Variants in RNF19B observed in about 807,000 individuals in gnomAD.
The protein encoded by RNF19B is ring finger protein 19B.
RNF19B carries 23 observed loss-of-function variants against 65.5 expected under a neutral mutation model. The observed-to-expected ratio is 0.35, with a 90% CI of 0.25 to 0.50. The LOEUF (loss-of-function observed/expected upper bound fraction) is 0.50. Ranked by LOEUF, RNF19B falls within the 20% of genes least tolerant of loss-of-function variation. The pLI is 0.98. For synonymous variants in RNF19B, 372 were observed against 379.6 expected, an observed-to-expected ratio of 0.98 and a Z score of 0.23; for missense variants, 794 against 980.0, an observed-to-expected ratio of 0.81 and a Z score of 2.53.
rs1223251199 is a variant in RNF19B, at chr1:32,949,600, T to C, written c.810A>G (p.Ser270=). Reference sequence around the variant, plus strand: ...CAGATTCTTGCCCATAACTGAGACCTGAAGTGTGTTTGGTCCGAACTCGTA... The same window carrying C: ...CAGATTCTTGCCCATAACTGAGACCCGAAGTGTGTTTGGTCCGAACTCGTA... ...QTLRVRTKHT[S]GLSYGQESGP... Residue 270 remains serine (S), a synonymous_variant, in exon 2 of 9, where the codon TCA becomes TCG. Transcript: ENST00000235150. 1 of 1,614,024 alleles carries C rather than the reference T, an allele frequency of 6.2e-7. No homozygotes were observed. Among genetic ancestry groups the C allele is most frequent in the Non-Finnish European group, 8.5e-7 (1 of 1,180,004 alleles).
At chr1:32,951,600 TA>T (rs1442572993) in intron 1 of RNF19B, among the ~76,000 whole-genome samples, 1 of 152,222 alleles carries the variant, frequency 6.6e-6, no homozygotes, top group Non-Finnish European at 1.5e-5. Flanking sequence ...GGTCTGACCA[TA>T]GTCACAGAGA....
At chr1:32,946,225 A>T (rs1642365251) in intron 4 of RNF19B, among the ~76,000 whole-genome samples, 177 bp downstream of exon 4, 1 of 152,178 alleles carries the variant, frequency 6.6e-6, no homozygotes, top group Non-Finnish European at 1.5e-5. Flanking sequence ...TGTTAATAAG[A>T]ACTTTCAGAT....
At chr1:32,936,207 T>TC (rs1354994553), downstream of RNF19B, among the ~76,000 whole-genome samples, 6 of 152,224 alleles carry the variant, frequency 3.9e-5, no homozygotes, top group Non-Finnish European at 7.3e-5. Context: ...ATCTACTGCT[T>TC]CCCTATTCAG....
Position 32,964,485 on chromosome 1 carries a change from C to A in RNF19B, c.201G>T (p.Pro67=). Residue 67 remains proline, a synonymous_variant, in exon 1 of 9, where the codon CCG becomes CCT. Transcript: ENST00000235150. The surrounding 1 kb of genome is among the most constrained non-coding windows in gnomAD (Gnocchi z 6.5). ...GCGGGCCCTGGGCCGCGGCAGGGGC[C>A]GGGGCGGGCGGCGGCTGCGCAGCCG... ...PPPAAQPPPA[P]APAAAQGPPP... is the part of the protein sequence containing the mutation. 1.1e-6 allele frequency: 1 copy of A among 946,726 alleles called. No individual in the cohort carries two copies. Among genetic ancestry groups the A allele is most frequent in the Non-Finnish European group, 1.2e-6 (1 of 801,378 alleles). 58.6% of individuals were successfully genotyped at this position (946,726 alleles called of 1,614,324 possible).
At chr1:32,937,787 C>T (rs1055300693) in intron 8 of RNF19B, among the ~76,000 whole-genome samples, 1 of 152,118 alleles carries the variant, frequency 6.6e-6, no homozygotes, top group Non-Finnish European at 1.5e-5. Context: ...TACATGCACA[C>T]GTGTGCTCAG....
At chr1:32,934,354 G>A (rs377509193), downstream of RNF19B, among the ~76,000 whole-genome samples, 11 of 152,180 alleles carry the variant, frequency 7.2e-5, no homozygotes, top group African/African-American at 2.7e-4. Context: ...CCAGGACTAA[G>A]GTGAGAGAGG....
chr1:32,940,642 T>G lies in RNF19B; in HGVS notation c.1610+1610A>C, dbSNP rs151208199. ...CATAGAAGTCTAATCCTTTTCACAG[T>G]TGAAGGTCCTTTGGATAGCTGAAGG... On this transcript the variant is annotated intron_variant, in intron 7 of 8. Transcript: ENST00000235150. Among the ~76,000 whole-genome samples the G allele has an allele frequency of 5.1e-3, 774 of 152,316 alleles. 8 individuals carry two copies. The highest frequency in any genetic ancestry group is 0.017 in the African/African-American group (718 of 41,560).
chr1:32,949,981 T>C (rs1642453480), intron 1 of RNF19B, among the ~76,000 whole-genome samples: 1 of 152,136 alleles, frequency 6.6e-6, no homozygotes. Flanking sequence ...CTTTTTTTTT[T>C]TGAGACAGTC....
At chr1:32,947,794 A>G (rs1642402281) in intron 3 of RNF19B, among the ~76,000 whole-genome samples, 1 of 152,130 alleles carries the variant, frequency 6.6e-6, no homozygotes, top group Admixed American at 6.6e-5. Flanking sequence ...TGAAGTGTAA[A>G]GTACTGACGA....
chr1:32,942,381 GT>G lies in RNF19B; in HGVS notation c.1480del (p.Thr494LeufsTer30), dbSNP rs1443666805. Reference protein sequence around the residue: ...SIEGLTSVLSTSGSPTDGLSV... With the variant: ...SIEGLTSVLSXSGSPTDGLSV... ...AAGTCCATCTGTAGGGCTTCCACTA[GT>G]GCTCAATACACTAGTCAGGCCTTCA... On this transcript the variant is annotated frameshift_variant, in exon 7 of 9. Transcript: ENST00000235150. LOFTEE classifies it high-confidence loss of function. 1 of 1,614,078 alleles carries G rather than the reference GT, an allele frequency of 6.2e-7. No individual in the cohort carries two copies. The highest frequency in any genetic ancestry group is 8.5e-7 in the Non-Finnish European group (1 of 1,180,044).
At chr1:32,942,175 C>G in intron 7 of RNF19B, 77 bp downstream of exon 7, 1 of 1,186,474 alleles carries the variant, frequency 8.4e-7, no homozygotes, top group Non-Finnish European at 1.2e-6. Flanking sequence ...TGGCACAAGC[C>G]TGGCACAGAG....
Position 32,955,532 on chromosome 1 carries a change from C to T in RNF19B, c.636-5758G>A, listed in dbSNP as rs1261099227. ...ATTGCTTGAGCTCAGGAGTTCGAGA[C>T]CAGTCTGGGCAACATGGCAAAACCC... On this transcript the variant is annotated intron_variant, in intron 1 of 8. Coordinates refer to ENST00000235150, the MANE Select transcript of RNF19B (RefSeq NM_001300826.2). Among the ~76,000 whole-genome samples the T allele has an allele frequency of 2.6e-5, 4 of 151,676 alleles. No homozygotes were observed. In the South Asian group the frequency reaches 8.3e-4, roughly 32 times the overall value.
At chr1:32,935,685 G>A (rs909478209), downstream of RNF19B, among the ~76,000 whole-genome samples, 8 of 152,092 alleles carry the variant, frequency 5.3e-5, no homozygotes, top group Admixed American at 2.0e-4. Flanking sequence ...GTGATTATGC[G>A]CATCAGTGTA....
downstream of RNF19B, among the ~76,000 whole-genome samples, chr1:32,932,143 G>A (rs952001972): frequency 1.3e-5 from 2 of 152,190 alleles, no homozygotes; most frequent in Non-Finnish European, 2.9e-5. Context: ...TGGGGAACAT[G>A]GCCATAGGCT....
chr1:32,944,417 T>C (rs1373004691), intron 5 of RNF19B, among the ~76,000 whole-genome samples: 10 of 152,246 alleles, frequency 6.6e-5, no homozygotes, highest in Admixed American at 6.5e-4. Flanking sequence ...CAAATGAGAA[T>C]GCTATGTACT....
At chr1:32,933,765 G>A (rs543217318), downstream of RNF19B, among the ~76,000 whole-genome samples, 12 of 152,050 alleles carry the variant, frequency 7.9e-5, no homozygotes, top group African/African-American at 2.7e-4. Flanking sequence ...AAAAACATGG[G>A]CCTTTACCAA....
intron 1 of RNF19B, among the ~76,000 whole-genome samples, chr1:32,956,070 A>G (rs1327385466): frequency 6.6e-6 from 1 of 152,128 alleles, no homozygotes; most frequent in East Asian, 1.9e-4. Flanking sequence ...TCTCTACGAA[A>G]GACACAAAAA....
downstream of RNF19B, among the ~76,000 whole-genome samples, chr1:32,932,545 G>A (rs1642039957): frequency 6.6e-6 from 1 of 152,128 alleles, no homozygotes; most frequent in East Asian, 1.9e-4. Context: ...GCATACGAAG[G>A]TACATTAGGT....
rs768801633 is a variant in RNF19B, at chr1:32,936,760, A to G, written c.*46T>C. 7.0e-7 allele frequency: 1 copy of G among 1,422,184 alleles called. No individual in the cohort carries two copies. Among genetic ancestry groups the G allele is most frequent in the South Asian group, 1.8e-5 (1 of 55,060 alleles). The allele number at this position is 1,422,184 out of a possible 1,614,324, so 88.1% of individuals were successfully genotyped here. ...AAAAAAAAAAAAAAAATTCCAAAAG[A>G]TGCAGTTACAAGTGTGCTTCTCAGA... is the stretch of plus-strand genomic sequence containing the variant. On this transcript the variant is annotated 3_prime_UTR_variant, in exon 9 of 9. Transcript: ENST00000235150.
Sources: gnomAD v4.1 joint callset for allele counts (sites outside exome capture counted in the v4.1 genomes callset) on GRCh38, gnomAD v4.1.1 for gene constraint, Gnocchi (gnomAD v3.1) non-coding constraint, MANE v1.5 for transcripts, NCBI Gene and HGNC (gene_info 2026-07-23, HGNC 2026-07-21) for gene names.